The following OGN variants were observed in gnomAD, a reference collection of about 807,000 sequenced individuals.
The protein encoded by OGN is mimecan.
A neutral mutation model predicts 30.8 loss-of-function variants in OGN; 19 were observed. The observed-to-expected ratio is 0.62, with a 90% CI of 0.43 to 0.90. OGN has a LOEUF of 0.90. Among genes scored for constraint, OGN ranks in the 40% least tolerant of loss-of-function variants. The pLI is 0.00. For missense variants in OGN, 283 were observed against 349.7 expected, an observed-to-expected ratio of 0.81 and a Z score of 1.52; for synonymous variants, 126 against 128.3, an observed-to-expected ratio of 0.98 and a Z score of 0.12.
At chr9:92,388,054 G>A (rs904904921) in intron 5 of OGN, among the ~76,000 whole-genome samples, 1 of 152,054 alleles carries the variant, frequency 6.6e-6, no homozygotes, top group South Asian at 2.1e-4. Flanking sequence ...ATGAGCCACC[G>A]TGCCTGGCCA....
At chr9:92,387,077 A>G (rs963254632) in intron 5 of OGN, among the ~76,000 whole-genome samples, 43 of 147,284 alleles carry the variant, frequency 2.9e-4, no homozygotes, top group Non-Finnish European at 5.3e-4. Flanking sequence ...AAAAAAAAAG[A>G]AATGTGTGTG....
At chr9:92,400,989 G>A in intron 3 of OGN, 103 bp downstream of exon 3, 1 of 609,424 alleles carries the variant, frequency 1.6e-6, no homozygotes, top group Non-Finnish European at 2.9e-6. Context: ...TCCACTGTTT[G>A]TATTTACTGT....
At chr9:92,403,212 AT>A (rs1457918712) in intron 2 of OGN, 21 bp downstream of exon 2, 1 of 1,495,288 alleles carries the variant, frequency 6.7e-7, no homozygotes, top group East Asian at 2.3e-5. Context: ...TAGAAGCTAA[AT>A]TTAGAATAGA....
chr9:92,394,631 G>A (rs1452756381), intron 3 of OGN, among the ~76,000 whole-genome samples: 2 of 151,558 alleles, frequency 1.3e-5, no homozygotes, highest in African/African-American at 2.4e-5. Flanking sequence ...TTGAGATGAA[G>A]TCTCGCTTCG....
chr9:92,396,953 A>G (rs1304232944), intron 3 of OGN, among the ~76,000 whole-genome samples: 1 of 152,002 alleles, frequency 6.6e-6, no homozygotes, highest in East Asian at 1.9e-4. Context: ...AGGCAGGTGG[A>G]TCATTTGAGT....
At chr9:92,394,387 C>A (rs1842806029) in intron 3 of OGN, among the ~76,000 whole-genome samples, 3 of 150,200 alleles carry the variant, frequency 2.0e-5, no homozygotes, top group Admixed American at 6.7e-5. Context: ...GGATTACTGG[C>A]GTATGCCACC....
Position 92,401,164 on chromosome 9 carries a change from G to A in OGN, c.196C>T (p.Pro66Ser), listed in dbSNP as rs761445817. 6.6e-7 allele frequency: 1 copy of A among 1,513,252 alleles called. No individual in the cohort carries two copies. Among genetic ancestry groups the A allele is most frequent in the East Asian group, 2.3e-5 (1 of 44,160 alleles). 93.7% of individuals were successfully genotyped at this position (1,513,252 alleles called of 1,614,324 possible). A position where few individuals can be genotyped will look rare whatever the true frequency, so the allele number is the denominator to read the frequency against. Residue 66 changes from proline to serine, a missense_variant, in exon 3 of 7, where the codon CCC becomes TCC. Coordinates refer to ENST00000375561, the MANE Select transcript of OGN (RefSeq NM_014057.5). ...TGTAATTGAAGACTTTTCTCATTGG[G>A]TATTATCACAGTTTCTTTTTCCTAT... ...NIKEKETVIIPNEKSLQLQKD... is the reference protein window; with the variant it reads ...NIKEKETVIISNEKSLQLQKD...
At chr9:92,404,360 T>G (rs1414516977) in intron 1 of OGN, 136 bp downstream of exon 1, 8 of 440,238 alleles carry the variant, frequency 1.8e-5, no homozygotes, top group East Asian at 2.0e-4. Flanking sequence ...ATGATATACA[T>G]AAGTACTTCT....
intron 3 of OGN, among the ~76,000 whole-genome samples, chr9:92,396,758 A>G (rs753410758): frequency 2.0e-5 from 3 of 151,942 alleles, no homozygotes; most frequent in Non-Finnish European, 4.4e-5. Flanking sequence ...TTGTAGAGAC[A>G]TGGTGTCACT....
chr9:92,395,515 G>A lies in OGN; in HGVS notation c.269-2271C>T, dbSNP rs1293297237. Among the ~76,000 whole-genome samples, 5 of 152,166 alleles carry A rather than the reference G, an allele frequency of 3.3e-5. No homozygotes were observed. The East Asian group carries it at 9.7e-4, about 29-fold the overall frequency. ...TGGACTTAATGCTTTCATTTCTCTT[G>A]GGTAAGTACCTAAGGAGTGGAATGG... On this transcript the variant is annotated intron_variant, in intron 3 of 6. Coordinates refer to ENST00000375561, the MANE Select transcript of OGN (RefSeq NM_014057.5).
intron 5 of OGN, among the ~76,000 whole-genome samples, chr9:92,386,891 A>G (rs1461411803): frequency 6.6e-6 from 1 of 151,596 alleles, no homozygotes; most frequent in East Asian, 1.9e-4. Context: ...CTAAAAAAAT[A>G]CAAAAAATTA....
chr9:92,386,373 A>G (rs1309505228), intron 5 of OGN, 77 bp from the exon 6 acceptor site: 4 of 835,338 alleles, frequency 4.8e-6, no homozygotes, highest in Admixed American at 1.8e-5. Flanking sequence ...ATATATGTGC[A>G]TATGAGTATA....
At chr9:92,395,349 C>T (rs1450064784) in intron 3 of OGN, among the ~76,000 whole-genome samples, 2 of 152,126 alleles carry the variant, frequency 1.3e-5, no homozygotes, top group Non-Finnish European at 2.9e-5. Flanking sequence ...GATTTTCAAT[C>T]TTTATCAGTA....
chr9:92,385,909 T>G (rs532067629), intron 6 of OGN, 119 bp from the exon 7 acceptor site: 2 of 892,592 alleles, frequency 2.2e-6, no homozygotes, highest in African/African-American at 3.4e-5. Context: ...CAAATCCTTG[T>G]GTCAAATTAA....
intron 1 of OGN, 96 bp from the exon 2 acceptor site, chr9:92,403,578 A>G: frequency 3.2e-6 from 4 of 1,241,354 alleles, no homozygotes; most frequent in Non-Finnish European, 4.0e-6. Context: ...ACAGTATTTA[A>G]CCCTTAGTGA....
intron 4 of OGN, among the ~76,000 whole-genome samples, chr9:92,391,005 C>A (rs530816422): frequency 6.6e-6 from 1 of 152,110 alleles, no homozygotes; most frequent in South Asian, 2.1e-4. Context: ...TGGCTTATGC[C>A]TGTAATCCTA....
chr9:92,397,767 G>T (rs1842949408), intron 3 of OGN, among the ~76,000 whole-genome samples: 1 of 152,184 alleles, frequency 6.6e-6, no homozygotes, highest in Admixed American at 6.5e-5. Flanking sequence ...GTGTTTATTT[G>T]TCTCTTTCTC....
At chr9:92,404,661 G>T (rs1173035471), upstream of OGN, 5 of 1,252,056 alleles carry the variant, frequency 4.0e-6, no homozygotes, top group Non-Finnish European at 5.1e-6. Context: ...ATGTGGTAGA[G>T]ATCTTTGCCA....
At chr9:92,385,928 T>C (rs1243259431) in intron 6 of OGN, 138 bp from the exon 7 acceptor site, 1 of 745,294 alleles carries the variant, frequency 1.3e-6, no homozygotes, top group African/African-American at 1.8e-5. Flanking sequence ...AATTAGGAAA[T>C]ACTCAAATGT....
Sources: allele counts gnomAD v4.1 joint callset (sites outside exome capture counted in the v4.1 genomes callset), GRCh38; gene constraint gnomAD v4.1.1; transcripts MANE v1.5; gene names NCBI Gene and HGNC (gene_info 2026-07-23, HGNC 2026-07-21).